Variants in FCGR2A observed in about 807,000 individuals in gnomAD.
FCGR2A encodes the protein Fc gamma receptor IIa, also known as low affinity immunoglobulin gamma Fc region receptor II-a.
In FCGR2A, 18 loss-of-function variants were observed where a neutral mutation model predicts 29.3. The observed-to-expected ratio is 0.62, with a 90% CI of 0.43 to 0.91. FCGR2A has a LOEUF of 0.91. Ranked by LOEUF, FCGR2A falls within the 40% of genes least tolerant of loss-of-function variation. FCGR2A has a pLI of 0.00. For synonymous variants in FCGR2A, 126 were observed against 144.8 expected (o/e 0.87, Z 0.93); for missense variants, 287 against 393.0 (o/e 0.73, Z 2.28).
chr1:161,509,670 C>T (rs1675633936), intron 3 of FCGR2A, 150 bp from the exon 4 acceptor site: 1 of 1,063,456 alleles, frequency 9.4e-7, no homozygotes, highest in Non-Finnish European at 1.4e-6. Flanking sequence ...CATATATTGC[C>T]TATAAGAGAA....
chr1:161,509,880 G>C lies in FCGR2A; in HGVS notation c.425G>C (p.Arg142Thr). The change falls in exon 4 of 7, where the codon AGG (arginine) becomes ACG (threonine). Residue 142 changes from arginine (R) to threonine (T), a missense_variant. By Grantham distance (71) the Arg-to-Thr change is moderately conservative. Around this residue, in one of 3 missense-constraint regions of FCGR2A, gnomAD observed 181 missense variants for 250.9 expected, o/e 0.72. Coordinates refer to ENST00000271450, the MANE Select transcript of FCGR2A (RefSeq NM_001136219.3). ...EFQEGETIML[R>T]CHSWKDKPLV... ...CAGGAGGGAGAAACCATCATGCTGA[G>C]GTGCCACAGCTGGAAGGACAAGCCT... is the stretch of plus-strand genomic sequence containing the variant. 6.2e-7 allele frequency: 1 copy of C among 1,614,200 alleles called. No homozygotes were observed. Among genetic ancestry groups the C allele is most frequent in the Non-Finnish European group, 8.5e-7 (1 of 1,180,032 alleles).
At chr1:161,507,098 A>G (rs1306098827) in intron 3 of FCGR2A, among the ~76,000 whole-genome samples, 2 of 152,036 alleles carry the variant, frequency 1.3e-5, no homozygotes, top group East Asian at 3.9e-4. Context: ...AACTATTTTG[A>G]CTTTTATTCC....
rs568494413 is a variant in FCGR2A at position 161,512,102 on chromosome 1, G to T, written c.742+1146G>T. ...CCAGGAATCTGGTGATATTTCCAGA[G>T]CAAGAAATCAGAGATACTTTGGTCT... On this transcript the variant is annotated intron_variant, in intron 5 of 6. Transcript: ENST00000271450. 7.9e-5 allele frequency among the ~76,000 whole-genome samples: 12 copies of T among 152,298 alleles called. 1 individual carries two copies. The East Asian group carries it at 2.1e-3, about 27-fold the overall frequency.
At chr1:161,521,236 A>C (rs1482829194), downstream of FCGR2A, among the ~76,000 whole-genome samples, 3 of 151,920 alleles carry the variant, frequency 2.0e-5, no homozygotes, top group Admixed American at 6.6e-5. Context: ...CTCTCATTAG[A>C]ATGTGAGCTC....
At chr1:161,522,725 C>T (rs1676502698), downstream of FCGR2A, 2 of 152,080 alleles carry the variant, frequency 1.3e-5, no homozygotes, top group South Asian at 4.2e-4. Flanking sequence ...TTTGATTTTC[C>T]ACTGTGTAAG....
rs1378095559 is a variant in FCGR2A, at chr1:161,518,860, C to T, written c.*712C>T. The stretch of plus-strand genomic sequence containing the variant: ...CCGATCTCGAACTTCTGGCCTCTAG[C>T]GATCTGCCCGCCTCGGCCTCCCAAA... On this transcript the variant is annotated 3_prime_UTR_variant, in exon 7 of 7. Transcript: ENST00000271450. 2.2e-5 allele frequency: 4 copies of T among 178,962 alleles called. No individual in the cohort carries two copies. Among genetic ancestry groups the T allele is most frequent in the Admixed American group, 5.8e-5 (1 of 17,364 alleles). The allele number at this position is 178,962 out of a possible 1,614,324, so 11.1% of individuals were successfully genotyped here.
intron 5 of FCGR2A, 104 bp downstream of exon 5, chr1:161,511,060 C>A (rs767919719): frequency 4.7e-6 from 7 of 1,504,772 alleles, no homozygotes; most frequent in Non-Finnish European, 5.5e-6. Context: ...ATATGCATTC[C>A]GATCTAGGCC....
At chr1:161,523,948 T>C (rs545720887), downstream of FCGR2A, 18 of 153,354 alleles carry the variant, frequency 1.2e-4, no homozygotes, top group African/African-American at 3.6e-4. Context: ...CAGTATTGTC[T>C]CTTAAAGCTC....
rs1675375401 is a variant in FCGR2A at position 161,506,148 on chromosome 1, G to A, written c.106+141G>A. 1.1e-5 allele frequency: 14 copies of A among 1,253,180 alleles called. No individual in the cohort carries two copies. In the South Asian group the frequency reaches 1.6e-4, roughly 14 times the overall value. The allele number at this position is 1,253,180 out of a possible 1,614,324, so 77.6% of individuals were successfully genotyped here. On this transcript the variant is annotated intron_variant, in intron 2 of 6. Transcript: ENST00000271450. The stretch of plus-strand genomic sequence containing the variant: ...CAGCATGGGCAGTTCCCCCATTTTA[G>A]TGGGGTCTGGGATTTGCTTCTTAGA...
intron 2 of FCGR2A, 31 bp downstream of exon 2, chr1:161,506,038 C>T (rs1675367627): frequency 6.2e-7 from 1 of 1,606,436 alleles, no homozygotes. Context: ...CTTGTATTGA[C>T]AGTGTTGTAT....
downstream of FCGR2A, among the ~76,000 whole-genome samples, chr1:161,521,346 G>T (rs1676442048): frequency 6.6e-6 from 1 of 151,958 alleles, no homozygotes; most frequent in Non-Finnish European, 1.5e-5. Flanking sequence ...TGCGGAATGA[G>T]TAAATTCTTT....
At chr1:161,513,484 T>G in intron 5 of FCGR2A, 1 of 271,266 alleles carries the variant, frequency 3.7e-6, no homozygotes, top group Non-Finnish European at 7.0e-6. Context: ...TGCACTACAT[T>G]TGGACAATGT....
In FCGR2A at chr1:161,505,866, C is replaced by A; in HGVS notation, c.86-121C>A. 4 of 938,168 alleles carry A rather than the reference C, an allele frequency of 4.3e-6. 1 individual carries two copies. Among genetic ancestry groups the A allele is most frequent in the Non-Finnish European group, 7.0e-6 (4 of 567,838 alleles). The allele number at this position is 938,168 out of a possible 1,614,324, so 58.1% of individuals were successfully genotyped here. A position where few individuals can be genotyped will look rare whatever the true frequency, so the allele number is the denominator to read the frequency against. On this transcript the variant is annotated intron_variant, in intron 1 of 6. Transcript: ENST00000271450. ...ATAAAAGATCAACTGGAAACAGGAT[C>A]TTGAGATGGGTCCTGGAGAAGGAAG...
At chr1:161,522,128 G>A (rs915702928), downstream of FCGR2A, among the ~76,000 whole-genome samples, 3 of 152,010 alleles carry the variant, frequency 2.0e-5, no homozygotes, top group South Asian at 2.1e-4. Flanking sequence ...TTGAGGCCAC[G>A]AGTTCAAGGC....
chr1:161,505,935 T>C (rs2102454629), intron 1 of FCGR2A, 52 bp from the exon 2 acceptor site: 10 of 1,604,598 alleles, frequency 6.2e-6, no homozygotes, highest in Non-Finnish European at 8.5e-6. Flanking sequence ...GCAGCTAAAT[T>C]TGAAGCCGTG....
Position 161,511,079 on chromosome 1 carries a change from A to G in FCGR2A, c.742+123A>G, listed in dbSNP as rs1176507966. 5 of 1,422,598 alleles carry G rather than the reference A, an allele frequency of 3.5e-6. No homozygotes were observed. In the East Asian group the frequency reaches 1.1e-4, roughly 32 times the overall value. 88.1% of individuals were successfully genotyped at this position (1,422,598 alleles called of 1,614,324 possible). ...GCATTCCGATCTAGGCCCACCTTTT[A>G]TTTATTAGTTCATTTATTAGTTCAT... is the stretch of plus-strand genomic sequence containing the variant. On this transcript the variant is annotated intron_variant, in intron 5 of 6. Coordinates refer to ENST00000271450, the MANE Select transcript of FCGR2A (RefSeq NM_001136219.3).
At chr1:161,513,639 A>G (rs1379426582) in intron 5 of FCGR2A, 2 of 566,752 alleles carry the variant, frequency 3.5e-6, no homozygotes, top group Non-Finnish European at 6.3e-6. Flanking sequence ...AAAGCTCAGC[A>G]ATTCCCTGAA....
Position 161,510,849 on chromosome 1 carries a change from G to A in FCGR2A, c.635G>A (p.Ser212Asn), listed in dbSNP as rs372881615. The A allele has an allele frequency of 8.1e-6, 13 of 1,614,060 alleles. No homozygotes were observed. The highest frequency in any genetic ancestry group is 1.1e-5 in the Non-Finnish European group (13 of 1,180,028). Residue 212 changes from serine to asparagine, a missense_variant, in exon 5 of 7, where the codon AGC becomes AAC. Transcript: ENST00000271450. ...TCTTCCCTAGTGCCCAGCATGGGCA[G>A]CTCTTCACCAATGGGGATCATTGTG... ...TITVQVPSMG[S>N]SSPMGIIVAV...
In FCGR2A at chr1:161,518,480, A is replaced by G. The variant is rs558974500; in HGVS notation, c.*332A>G. On this transcript the variant is annotated 3_prime_UTR_variant, in exon 7 of 7. Coordinates refer to ENST00000271450, the MANE Select transcript of FCGR2A (RefSeq NM_001136219.3). ...CTTTCTAAGAAGATACCTACCCCCA[A>G]AAAACAATTATGTAATTGAAAACCA... is the stretch of plus-strand genomic sequence containing the variant. 14 of 348,090 alleles carry G rather than the reference A, an allele frequency of 4.0e-5. No homozygotes were observed. In the East Asian group the frequency reaches 7.3e-4, roughly 18 times the overall value. 21.6% of individuals were successfully genotyped at this position (348,090 alleles called of 1,614,324 possible).
Sources: allele counts gnomAD v4.1 joint callset (sites outside exome capture counted in the v4.1 genomes callset), GRCh38; gene constraint gnomAD v4.1.1; regional missense constraint gnomAD v4.1.1; transcripts MANE v1.5; gene names NCBI Gene and HGNC (gene_info 2026-07-23, HGNC 2026-07-21).